The following CFAP47 variants were observed in gnomAD, a reference collection of about 807,000 sequenced individuals.
The protein encoded by CFAP47 is cilia- and flagella-associated protein 47.
Under a neutral mutation model 148.1 loss-of-function variants are expected in CFAP47, and 29 were observed. The ratio of observed to expected loss-of-function variants is 0.20; its 90% CI spans 0.15 to 0.27. The LOEUF is 0.27. CFAP47 is among the 10% of genes least tolerant of loss of function. The probability of loss-of-function intolerance (pLI) is 1.00; values close to 1 mark genes in which losing one functional copy is unlikely to be tolerated. For synonymous variants in CFAP47, 664 were observed against 577.3 expected, an observed-to-expected ratio of 1.15 and a Z score of -2.15; for missense variants, 1,872 against 1,697.5, an observed-to-expected ratio of 1.10 and a Z score of -1.81.
At chrX:36,122,522 A>T (rs1457481294) in intron 33 of CFAP47, among the ~76,000 whole-genome samples, 1 of 110,926 alleles carries the variant, frequency 9.0e-6, no homozygotes, top group Non-Finnish European at 1.9e-5. Context: ...GACTGTTTAT[A>T]TTCAAATAGC....
At chrX:36,144,865 C>T in intron 35 of CFAP47, 2 of 989,859 alleles carry the variant, frequency 2.0e-6, no homozygotes, top group Middle Eastern at 4.9e-4. Context: ...CTCCTTTGGG[C>T]TTTCAGCCTT....
chrX:36,270,549 G>GTATATA (rs782687841), intron 49 of CFAP47, among the ~76,000 whole-genome samples: 18 of 95,494 alleles, frequency 1.9e-4, no homozygotes, highest in African/African-American at 7.0e-4. Flanking sequence ...TTTAAAATTT[G>GTATATA]TATATATATA....
chrX:36,200,503 A>G lies in CFAP47; in HGVS notation c.6436+10A>G, dbSNP rs1939968347. The G allele has an allele frequency of 6.8e-6, 2 of 296,124 alleles. No homozygotes were observed. The highest frequency in any genetic ancestry group is 1.2e-5 in the Non-Finnish European group (2 of 169,252). 24.4% of individuals were successfully genotyped at this position (296,124 alleles called of 1,213,427 possible). Reference sequence around the variant, plus strand: ...ACTACTCGAGAAGAAGGTAGAGTACACATGTGTTTTATTTCATTTATAATG... The same window carrying G: ...ACTACTCGAGAAGAAGGTAGAGTACGCATGTGTTTTATTTCATTTATAATG... On this transcript the variant is annotated intron_variant, in intron 43 of 63. Coordinates refer to ENST00000378653, the MANE Select transcript of CFAP47 (RefSeq NM_001304548.2).
chrX:36,082,217 A>C lies in CFAP47; in HGVS notation c.4692-3097A>C. The stretch of plus-strand genomic sequence containing the variant: ...AAACTTGTTATTGTTCATATTTCTT[A>C]TAAGTCAATATAACAGGCCTGAGAT... On this transcript the variant is annotated intron_variant, in intron 29 of 63. Coordinates refer to ENST00000378653, the MANE Select transcript of CFAP47 (RefSeq NM_001304548.2). Among the ~76,000 whole-genome samples the C allele has an allele frequency of 1.8e-5, 2 of 111,164 alleles. 1 individual carries two copies. Among genetic ancestry groups the C allele is most frequent in the Middle Eastern group, 8.5e-3 (2 of 235 alleles).
chrX:36,236,128 T>A, intron 47 of CFAP47, 51 bp downstream of exon 47: 3 of 395,615 alleles, frequency 7.6e-6, no homozygotes, highest in Non-Finnish European at 1.3e-5. Context: ...TATCATTAGT[T>A]AATAAACTAA....
intron 55 of CFAP47, among the ~76,000 whole-genome samples, chrX:36,307,728 C>G (rs1941362094): frequency 9.0e-6 from 1 of 110,839 alleles, no homozygotes; most frequent in African/African-American, 3.3e-5. Flanking sequence ...AAATATAATA[C>G]AGGCGTCTCC....
At chrX:36,379,547 A>G (rs1373799562) in intron 63 of CFAP47, 29 bp downstream of exon 63, 4 of 1,058,368 alleles carry the variant, frequency 3.8e-6, no homozygotes, top group African/African-American at 3.7e-5. Flanking sequence ...ATAGCCAAGG[A>G]TGTTTGATGC....
intron 62 of CFAP47, among the ~76,000 whole-genome samples, chrX:36,378,125 A>G (rs782697007): frequency 7.2e-5 from 8 of 111,713 alleles, no homozygotes; most frequent in African/African-American, 2.3e-4. Context: ...ACTCCTGTCA[A>G]TTTGAATTTT....
intron 25 of CFAP47, among the ~76,000 whole-genome samples, chrX:36,040,207 G>T (rs1165105509): frequency 9.0e-6 from 1 of 111,433 alleles, no homozygotes; most frequent in Admixed American, 9.5e-5. Flanking sequence ...AACCTCTATA[G>T]GTAAAGTGTG....
At chrX:36,190,795 TGAGA>T (rs1225167941) in intron 42 of CFAP47, among the ~76,000 whole-genome samples, 1 of 109,975 alleles carries the variant, frequency 9.1e-6, no homozygotes. Context: ...GACACAGATG[TGAGA>T]GAGAAAGAGA....
chrX:36,126,597 T>C (rs1248636215), intron 33 of CFAP47, among the ~76,000 whole-genome samples: 1 of 112,175 alleles, frequency 8.9e-6, no homozygotes, highest in Non-Finnish European at 1.9e-5. Context: ...TTTATAATCC[T>C]TTGGGTATAT....
chrX:36,337,994 C>A (rs1602114823), intron 57 of CFAP47, among the ~76,000 whole-genome samples: 1 of 102,977 alleles, frequency 9.7e-6, no homozygotes. Flanking sequence ...CGCAGCCTCC[C>A]GAGTAGCTGG....
chrX:36,047,928 A>G (rs1367247680), intron 26 of CFAP47, among the ~76,000 whole-genome samples: 1 of 112,342 alleles, frequency 8.9e-6, no homozygotes, highest in Non-Finnish European at 1.9e-5. Context: ...TTTGCAAATC[A>G]TAGATGAGCA....
At chrX:36,343,857 G>A (rs187353237) in intron 57 of CFAP47, among the ~76,000 whole-genome samples, 1,268 of 110,408 alleles carry the variant, frequency 0.011, 14 homozygotes, top group African/African-American at 0.034. Flanking sequence ...CCACCTATGA[G>A]TGAGAATATG....
chrX:36,185,932 C>T (rs1465240833), intron 40 of CFAP47, among the ~76,000 whole-genome samples: 3 of 111,517 alleles, frequency 2.7e-5, no homozygotes, highest in African/African-American at 9.8e-5. Flanking sequence ...TTCTCATTTC[C>T]AAATACGGTC....
In CFAP47 at chrX:36,367,140, A is replaced by G. The variant is rs1556020478; in HGVS notation, c.9185+13A>G. The G allele has an allele frequency of 3.0e-5, 33 of 1,093,639 alleles. No homozygotes were observed. Among genetic ancestry groups the G allele is most frequent in the Non-Finnish European group, 3.8e-5 (31 of 820,296 alleles). 90.1% of individuals were successfully genotyped at this position (1,093,639 alleles called of 1,213,427 possible). A position where few individuals can be genotyped will look rare whatever the true frequency, so the allele number is the denominator to read the frequency against. On this transcript the variant is annotated intron_variant, in intron 62 of 63. Coordinates refer to ENST00000378653, the MANE Select transcript of CFAP47 (RefSeq NM_001304548.2). ...AAAGTCAGACAAGGTAATATATTAAACAAAAGTATGTAGCTGTTTTAGTGA... is the reference window on the plus strand; with the variant it reads ...AAAGTCAGACAAGGTAATATATTAAGCAAAAGTATGTAGCTGTTTTAGTGA...
intron 3 of CFAP47, among the ~76,000 whole-genome samples, chrX:35,944,295 C>T (rs1022316777): frequency 1.8e-5 from 2 of 111,212 alleles, no homozygotes; most frequent in East Asian, 2.8e-4. Flanking sequence ...TTTTTGGAAA[C>T]TGATGCCATG....
intron 56 of CFAP47, 121 bp downstream of exon 56, chrX:36,311,110 C>A: frequency 2.3e-6 from 1 of 429,833 alleles, no homozygotes; most frequent in Non-Finnish European, 3.7e-6. Flanking sequence ...AGAAAATTAT[C>A]TTATAAAAGA....
At chrX:36,310,087 ATTGT>A (rs1941381039) in intron 55 of CFAP47, among the ~76,000 whole-genome samples, 2 of 105,370 alleles carry the variant, frequency 1.9e-5, no homozygotes, top group African/African-American at 3.5e-5. Flanking sequence ...AAAGTAGGAC[ATTGT>A]TTGTGATCCC....
Sources: allele counts gnomAD v4.1 joint callset (sites outside exome capture counted in the v4.1 genomes callset), GRCh38; gene constraint gnomAD v4.1.1; transcripts MANE v1.5; gene names NCBI Gene and HGNC (gene_info 2026-07-23, HGNC 2026-07-21).